Variants in C1orf21 observed in about 807,000 individuals in gnomAD.
C1orf21 encodes uncharacterized protein C1orf21.
A neutral mutation model predicts 18.7 loss-of-function variants in C1orf21; 3 were observed. The observed-to-expected ratio is 0.16, with a 90% CI of 0.07 to 0.42. C1orf21 has a LOEUF of 0.42. Among genes scored for constraint, C1orf21 ranks in the 10% least tolerant of loss-of-function variants. The pLI, the probability that C1orf21 is intolerant of heterozygous loss-of-function variation, is 0.99. For missense variants in C1orf21, 104 were observed against 143.6 expected (o/e 0.72, Z 1.41); for synonymous variants, 41 against 46.4 (o/e 0.88, Z 0.47).
At chr1:184,399,723 T>C (rs761745412) in intron 1 of C1orf21, among the ~76,000 whole-genome samples, 11 of 152,202 alleles carry the variant, frequency 7.2e-5, no homozygotes, top group South Asian at 2.1e-4. Context: ...TTTTGTGAAG[T>C]TAAGTCTAAC....
Position 184,419,684 on chromosome 1 carries a change from A to G in C1orf21, c.-125+32316A>G, listed in dbSNP as rs144463656. ...AGAGCTTAAAGGACATAAAATTTTAAATGAATCTAACTGGGAGGGTAACAT... is the reference window on the plus strand; with the variant it reads ...AGAGCTTAAAGGACATAAAATTTTAGATGAATCTAACTGGGAGGGTAACAT... On this transcript the variant is annotated intron_variant, in intron 1 of 5. Transcript: ENST00000235307. Among the ~76,000 whole-genome samples, 319 of 152,344 alleles carry G rather than the reference A, an allele frequency of 2.1e-3. 1 individual carries two copies. The highest frequency in any genetic ancestry group is 7.0e-3 in the African/African-American group (291 of 41,570).
chr1:184,485,384 C>T (rs954134136), intron 2 of C1orf21, among the ~76,000 whole-genome samples: 22 of 151,996 alleles, frequency 1.4e-4, no homozygotes, highest in Admixed American at 6.6e-4. Flanking sequence ...ATGAATTTCA[C>T]CTGCTGCTTT....
intron 1 of C1orf21, among the ~76,000 whole-genome samples, chr1:184,390,019 T>C (rs2102055392): frequency 6.6e-6 from 1 of 152,248 alleles, no homozygotes; most frequent in East Asian, 1.9e-4. Flanking sequence ...CTTCCAGCTC[T>C]ACTTTGAGGG....
chr1:184,388,002 T>C (rs1254516544), intron 1 of C1orf21, among the ~76,000 whole-genome samples: 1 of 152,100 alleles, frequency 6.6e-6, no homozygotes, highest in Non-Finnish European at 1.5e-5. Flanking sequence ...GGGTGCTTGG[T>C]TATTGTACAC....
intron 1 of C1orf21, among the ~76,000 whole-genome samples, chr1:184,405,996 C>T (rs1656242373): frequency 6.6e-6 from 1 of 152,150 alleles, no homozygotes; most frequent in African/African-American, 2.4e-5. Flanking sequence ...TATCTTCCTT[C>T]TATTTTCATT....
At chr1:184,589,743 T>C (rs1223145235) in intron 3 of C1orf21, among the ~76,000 whole-genome samples, 1 of 152,202 alleles carries the variant, frequency 6.6e-6, no homozygotes, top group East Asian at 1.9e-4. Flanking sequence ...AACAAACAAC[T>C]AGAATATGTA....
At chr1:184,506,740 A>G (rs1658067992) in intron 2 of C1orf21, among the ~76,000 whole-genome samples, 1 of 152,168 alleles carries the variant, frequency 6.6e-6, no homozygotes, top group African/African-American at 2.4e-5. Flanking sequence ...TGGAAATGTC[A>G]TCATAGTGAT....
In C1orf21 at chr1:184,410,653, ATATATATATATTT is replaced by A. The variant is rs1158054099; in HGVS notation, c.-125+23287_-125+23299del. 1.2e-3 allele frequency among the ~76,000 whole-genome samples: 7 copies of A among 5,896 alleles called. 2 individuals are homozygous for A. Among genetic ancestry groups the A allele is most frequent in the Admixed American group, 8.2e-3 (3 of 364 alleles). 3.9% of individuals were successfully genotyped at this position (5,896 alleles called of 152,430 possible). On this transcript the variant is annotated intron_variant, in intron 1 of 5. Coordinates refer to ENST00000235307, the MANE Select transcript of C1orf21 (RefSeq NM_030806.4). ...TATATATATATATATATATATATATATATATATATATTTTTTTTTTTTTTTTTTGAGATGGAGT... is the reference window on the plus strand; with the variant it reads ...TATATATATATATATATATATATATATTTTTTTTTTTTTTTGAGATGGAGT...
intron 3 of C1orf21, among the ~76,000 whole-genome samples, chr1:184,546,490 G>A (rs1658730134): frequency 1.3e-5 from 2 of 152,098 alleles, no homozygotes; most frequent in African/African-American, 2.4e-5. Flanking sequence ...CCTGTGTTAG[G>A]GACTGGGGAT....
intron 5 of C1orf21, among the ~76,000 whole-genome samples, chr1:184,611,892 T>C (rs540904042): frequency 2.7e-4 from 41 of 152,300 alleles, no homozygotes; most frequent in Middle Eastern, 3.4e-3. Context: ...AGTAAAAAAC[T>C]GCATATTGGT....
At chr1:184,417,757 T>A (rs1201354480) in intron 1 of C1orf21, among the ~76,000 whole-genome samples, 1 of 152,230 alleles carries the variant, frequency 6.6e-6, no homozygotes, top group Non-Finnish European at 1.5e-5. Context: ...CTCTAGTCAC[T>A]GAGCTTGCCA....
chr1:184,436,650 C>T (rs1656863370), intron 1 of C1orf21, among the ~76,000 whole-genome samples: 3 of 152,290 alleles, frequency 2.0e-5, no homozygotes, highest in South Asian at 4.1e-4. Context: ...AGGTAATAAA[C>T]TTTCACTCCC....
chr1:184,409,902 T>A (rs1006461724), intron 1 of C1orf21, among the ~76,000 whole-genome samples: 1 of 152,192 alleles, frequency 6.6e-6, no homozygotes, highest in Non-Finnish European at 1.5e-5. Flanking sequence ...ATTCGTATAA[T>A]GGCAGGCAAA....
At chr1:184,456,046 C>G (rs1657193154) in intron 1 of C1orf21, among the ~76,000 whole-genome samples, 1 of 152,148 alleles carries the variant, frequency 6.6e-6, no homozygotes, top group Non-Finnish European at 1.5e-5. Context: ...AAGACCCTCT[C>G]AGAACATTAC....
intron 3 of C1orf21, among the ~76,000 whole-genome samples, chr1:184,575,611 T>TAAAAAAAAAAAAAAAAAAGA (rs1659174287): frequency 1.2e-5 from 1 of 83,506 alleles, no homozygotes; most frequent in Non-Finnish European, 2.6e-5. Flanking sequence ...CACAAAAAGG[T>TAAAAAAAAAAAAAAAAAAGA]AAAAAAAAAA....
chr1:184,527,264 TGGCAGCTATGC>T (rs1658391266), intron 3 of C1orf21, among the ~76,000 whole-genome samples: 1 of 152,184 alleles, frequency 6.6e-6, no homozygotes, highest in Non-Finnish European at 1.5e-5. Flanking sequence ...TTATCAAGTG[TGGCAGCTATGC>T]TTAGAACAAG....
chr1:184,615,335 T>A (rs994158096), intron 5 of C1orf21, among the ~76,000 whole-genome samples: 1 of 152,184 alleles, frequency 6.6e-6, no homozygotes, highest in Non-Finnish European at 1.5e-5. Context: ...CCGAAGGCAC[T>A]CATGGTTCTT....
chr1:184,592,046 T>C (rs912647353), intron 4 of C1orf21, among the ~76,000 whole-genome samples: 2 of 151,950 alleles, frequency 1.3e-5, no homozygotes, highest in African/African-American at 4.8e-5. Flanking sequence ...GGTAAAACAA[T>C]AAAGAGATAT....
chr1:184,412,136 T>A (rs1224171035), intron 1 of C1orf21: 1 of 152,240 alleles, frequency 6.6e-6, no homozygotes, highest in East Asian at 1.9e-4. Flanking sequence ...TTTTAAATAT[T>A]CCTGTCAGCT....
Sources: allele counts gnomAD v4.1 joint callset (sites outside exome capture counted in the v4.1 genomes callset), GRCh38; gene constraint gnomAD v4.1.1; transcripts MANE v1.5; gene names NCBI Gene and HGNC (gene_info 2026-07-23, HGNC 2026-07-21).